ADGRL3: variants seen among roughly 807,000 people sequenced by gnomAD.
The protein encoded by ADGRL3 is calcium-independent alpha-latrotoxin receptor 3.
A neutral mutation model predicts 153.5 loss-of-function variants in ADGRL3; 62 were observed. The observed-to-expected ratio is 0.40, with a 90% CI of 0.33 to 0.50. The LOEUF is 0.50. Ranked by LOEUF, ADGRL3 falls within the 20% of genes least tolerant of loss-of-function variation. The pLI is 0.47. For missense variants in ADGRL3, 1,641 were observed against 1,859.4 expected, an observed-to-expected ratio of 0.88 and a Z score of 2.16; for synonymous variants, 710 against 672.5, an observed-to-expected ratio of 1.06 and a Z score of -0.86.
intron 13 of ADGRL3, among the ~76,000 whole-genome samples, chr4:61,918,030 G>A (rs1024225255): frequency 1.3e-5 from 2 of 152,176 alleles, no homozygotes; most frequent in East Asian, 1.9e-4. Flanking sequence ...CAAGTGGACA[G>A]TAGCCAACAG....
chr4:61,961,900 G>A (rs1490724918), intron 17 of ADGRL3, among the ~76,000 whole-genome samples: 1 of 152,102 alleles, frequency 6.6e-6, no homozygotes, highest in Admixed American at 6.6e-5. Flanking sequence ...TTATAGAAAA[G>A]TTGGAAGAAT....
chr4:61,516,419 G>C (rs1579288621), intron 3 of ADGRL3, among the ~76,000 whole-genome samples: 1 of 151,890 alleles, frequency 6.6e-6, no homozygotes. Flanking sequence ...TATCCTTTCT[G>C]TTGACAGACA....
intron 5 of ADGRL3, among the ~76,000 whole-genome samples, chr4:61,641,178 G>A (rs541642751): frequency 1.5e-3 from 233 of 151,792 alleles, no homozygotes; most frequent in African/African-American, 5.2e-3. Context: ...AACCTCACAC[G>A]GCTATTTTGA....
chr4:61,844,316 G>A (rs892497272), intron 9 of ADGRL3, among the ~76,000 whole-genome samples: 1 of 151,174 alleles, frequency 6.6e-6, no homozygotes, highest in Admixed American at 6.6e-5. Flanking sequence ...GGGAGGCTGA[G>A]GTGGGTGGAT....
intron 4 of ADGRL3, among the ~76,000 whole-genome samples, chr4:61,584,785 C>T (rs533482224): frequency 6.6e-6 from 1 of 152,042 alleles, no homozygotes; most frequent in South Asian, 2.1e-4. Flanking sequence ...AAAACAAAAT[C>T]ACCTCTATGA....
intron 1 of ADGRL3, among the ~76,000 whole-genome samples, chr4:61,314,395 G>A (rs138963428): frequency 0.016 from 2,445 of 152,136 alleles, 65 homozygotes; most frequent in African/African-American, 0.055. Flanking sequence ...TTTTAGTAGA[G>A]ATGGGGTTTC....
At chr4:61,832,704 C>G (rs2097886044) in intron 9 of ADGRL3, among the ~76,000 whole-genome samples, 1 of 152,148 alleles carries the variant, frequency 6.6e-6, no homozygotes, top group East Asian at 1.9e-4. Flanking sequence ...TATCAAAAAT[C>G]TAGCTTAATC....
intron 4 of ADGRL3, among the ~76,000 whole-genome samples, chr4:61,526,717 T>A (rs991660201): frequency 6.6e-6 from 1 of 152,016 alleles, no homozygotes; most frequent in Non-Finnish European, 1.5e-5. Context: ...TGAGCTATGA[T>A]TGTGCCACTG....
In ADGRL3 at chr4:61,334,798, A is replaced by G. The variant is rs2095644553; in HGVS notation, c.-239-48326A>G. ...TTTTTCAAATTCAATTGAGTTATAT[A>G]TGTGAGACAACTCTGGTGGGATTTT... On this transcript the variant is annotated intron_variant, in intron 1 of 26. Coordinates refer to ENST00000683033, the MANE Select transcript of ADGRL3 (RefSeq NM_001387552.1). Among the ~76,000 whole-genome samples the G allele has an allele frequency of 1.3e-5, 2 of 152,120 alleles. 1 individual carries two copies. The highest frequency in any genetic ancestry group is 4.1e-4 in the South Asian group (2 of 4,828).
chr4:61,949,974 A>G (rs2150338185), intron 17 of ADGRL3, among the ~76,000 whole-genome samples: 1 of 152,306 alleles, frequency 6.6e-6, no homozygotes, highest in Non-Finnish European at 1.5e-5. Context: ...GTGGAAAGAA[A>G]ATGACTACTT....
chr4:61,704,305 A>G (rs1337086360), intron 6 of ADGRL3, among the ~76,000 whole-genome samples: 1 of 152,226 alleles, frequency 6.6e-6, no homozygotes, highest in Admixed American at 6.5e-5. Flanking sequence ...AGATCACTGC[A>G]ATAAAACAAA....
At chr4:61,962,138 G>T (rs1480833525) in intron 17 of ADGRL3, among the ~76,000 whole-genome samples, 2 of 151,848 alleles carry the variant, frequency 1.3e-5, no homozygotes, top group Admixed American at 6.6e-5. Flanking sequence ...ACTCAGGAGG[G>T]TGAGGCAGGA....
At chr4:61,480,158 T>G (rs544971041) in intron 2 of ADGRL3, among the ~76,000 whole-genome samples, 1 of 152,330 alleles carries the variant, frequency 6.6e-6, no homozygotes, top group African/African-American at 2.4e-5. Context: ...CTTTATACCC[T>G]TTGATCATCA....
intron 17 of ADGRL3, among the ~76,000 whole-genome samples, chr4:61,974,822 G>A (rs1352220886): frequency 6.6e-6 from 1 of 152,138 alleles, no homozygotes; most frequent in African/African-American, 2.4e-5. Context: ...GTATTATGAT[G>A]TAACAACCTT....
chr4:61,532,799 T>C (rs1404966796), intron 4 of ADGRL3, among the ~76,000 whole-genome samples: 2 of 151,558 alleles, frequency 1.3e-5, no homozygotes, highest in African/African-American at 2.4e-5. Flanking sequence ...AACTCTGCCA[T>C]GCACTGTGTA....
chr4:61,870,028 A>C (rs1176584640), intron 9 of ADGRL3, among the ~76,000 whole-genome samples: 1 of 140,172 alleles, frequency 7.1e-6, no homozygotes, highest in Non-Finnish European at 1.6e-5. Flanking sequence ...AGAAAGAAGA[A>C]AGAAAGAAAG....
chr4:61,375,528 C>A (rs1308519625), intron 1 of ADGRL3, among the ~76,000 whole-genome samples: 1 of 152,038 alleles, frequency 6.6e-6, no homozygotes, highest in Non-Finnish European at 1.5e-5. Flanking sequence ...TCCCAGCATG[C>A]ATGTTTCAGG....
intron 2 of ADGRL3, among the ~76,000 whole-genome samples, chr4:61,469,953 C>T (rs2097925391): frequency 6.6e-6 from 1 of 151,630 alleles, no homozygotes; most frequent in African/African-American, 2.4e-5. Flanking sequence ...AAACAAACCC[C>T]CAGCACTCTG....
At position 61,600,997 on chromosome 4, in the gene ADGRL3, CA is replaced by C. The variant is rs200418733; in HGVS notation, c.473+13558del. 8.3e-3 allele frequency among the ~76,000 whole-genome samples: 1,270 copies of C among 152,110 alleles called. 16 individuals are homozygous for C. The highest frequency in any genetic ancestry group is 0.029 in the African/African-American group (1,206 of 41,504). ...TCAGAAAAGTTTTAGAAATTGGGGG[CA>C]TTTTTTTTATTTGGGGGCATTCAGT... On this transcript the variant is annotated intron_variant, in intron 5 of 26. Transcript: ENST00000683033.
Sources: allele counts gnomAD v4.1 joint callset (sites outside exome capture counted in the v4.1 genomes callset), GRCh38; gene constraint gnomAD v4.1.1; transcripts MANE v1.5; gene names NCBI Gene and HGNC (gene_info 2026-07-23, HGNC 2026-07-21).